The following BTNL3 variants were observed in gnomAD, a reference collection of about 807,000 sequenced individuals.
BTNL3 encodes the protein butyrophilin like 3, also known as butyrophilin-like protein 3.
Under a neutral mutation model 40.1 loss-of-function variants are expected in BTNL3, and 20 were observed. That is an observed-to-expected ratio of 0.50 (90% CI 0.35 to 0.72). The LOEUF (loss-of-function observed/expected upper bound fraction) is 0.72. Among genes scored for constraint, BTNL3 ranks in the 30% least tolerant of loss-of-function variants. BTNL3 has a pLI of 0.01. For missense variants in BTNL3, 449 were observed against 582.2 expected (o/e 0.77, Z 2.35); for synonymous variants, 179 against 222.1 (o/e 0.81, Z 1.73).
rs1365620524 is a variant in BTNL3, at chr5:180,997,480, T to A, written c.665T>A (p.Leu222Ter). Residue 222 changes from leucine to a stop codon, truncating the protein, a stop_gained, in exon 3 of 8, where the codon TTG (leucine) becomes TAG (stop). Transcript: ENST00000342868. LOFTEE classifies it high-confidence loss of function. ...EQSHEVESKV[L>*]IGETFFQPSP... is the part of the protein sequence containing the mutation. The stretch of plus-strand genomic sequence containing the variant: ...AGTCATGAGGTGGAATCCAAGGTAT[T>A]GATAGGAGGTGAGTGGGGAGAAGGA... 1.4e-6 allele frequency: 2 copies of A among 1,463,450 alleles called. No homozygotes were observed. The highest frequency in any genetic ancestry group is 4.9e-5 in the East Asian group (2 of 40,986). The allele number at this position is 1,463,450 out of a possible 1,614,324, so 90.7% of individuals were successfully genotyped here.
intron 4 of BTNL3, among the ~76,000 whole-genome samples, 169 bp from the exon 5 acceptor site, chr5:181,003,687 A>G (rs977971192): frequency 1.3e-4 from 20 of 149,098 alleles, no homozygotes; most frequent in South Asian, 4.2e-4. Context: ...GCTCCACCCC[A>G]GAGAGCCACA....
chr5:181,004,766 C>T lies in BTNL3; in HGVS notation c.862+4C>T, dbSNP rs763152483. ...AGAGACGCCCGGAAACACGCAGGTA[C>T]CAACGCCTGAGAGGGTAACAGTGGG... is the stretch of plus-strand genomic sequence containing the variant. On this transcript the variant is annotated splice_donor_region_variant and intron_variant, in intron 7 of 7. Coordinates refer to ENST00000342868, the MANE Select transcript of BTNL3 (RefSeq NM_197975.3). The T allele has an allele frequency of 6.2e-7, 1 of 1,614,178 alleles. No individual in the cohort carries two copies. Among genetic ancestry groups the T allele is most frequent in the Non-Finnish European group, 8.5e-7 (1 of 1,180,036 alleles).
At position 181,005,581 on chromosome 5, in the gene BTNL3, T is replaced by C. The variant is rs1561961876; in HGVS notation, c.1110T>C (p.Thr370=). The change falls in exon 8 of 8, where the codon ACT becomes ACC. Residue 370 remains threonine (T), a synonymous_variant. Transcript: ENST00000342868. ...DDVDRGKNNV[T]LSPNNGYWVL... is the part of the protein sequence containing the mutation. ...TAGACAGGGGGAAGAACAATGTGAC[T>C]TTGTCTCCCAACAATGGGTATTGGG... 3.1e-6 allele frequency: 5 copies of C among 1,614,010 alleles called. No individual in the cohort carries two copies. The highest frequency in any genetic ancestry group is 4.2e-6 in the Non-Finnish European group (5 of 1,179,994).
chr5:181,006,214 C>T lies in BTNL3; in HGVS notation c.*342C>T, dbSNP rs7731198. The T allele has an allele frequency of 0.078, 31,864 of 410,580 alleles. 2,305 individuals carry two copies. Among genetic ancestry groups the T allele is most frequent in the African/African-American group, 0.26 (12,488 of 48,820 alleles). 25.4% of individuals were successfully genotyped at this position (410,580 alleles called of 1,614,324 possible). A position where few individuals can be genotyped will look rare whatever the true frequency, so the allele number is the denominator to read the frequency against. On this transcript the variant is annotated 3_prime_UTR_variant, in exon 8 of 8. Coordinates refer to ENST00000342868, the MANE Select transcript of BTNL3 (RefSeq NM_197975.3). ...CACAACCTCCCAGGCTCCTCATTTGCTAGTCACGGACAGTGATTCCTGCCT... is the reference window on the plus strand; with the variant it reads ...CACAACCTCCCAGGCTCCTCATTTGTTAGTCACGGACAGTGATTCCTGCCT...
At chr5:180,994,214 C>A (rs1760008220) in intron 2 of BTNL3, among the ~76,000 whole-genome samples, 1 of 136,958 alleles carries the variant, frequency 7.3e-6, no homozygotes, top group African/African-American at 2.5e-5. Context: ...TTTCTTTTAT[C>A]ATTTCCTTTC....
At chr5:181,002,370 GTGTGTGT>G (rs1366194349) in intron 3 of BTNL3, among the ~76,000 whole-genome samples, 1 of 26,148 alleles carries the variant, frequency 3.8e-5, no homozygotes, top group Non-Finnish European at 1.4e-4. Flanking sequence ...ACACACACGT[GTGTGTGT>G]ATATATATAT....
At chr5:181,001,253 A>T (rs184837513) in intron 3 of BTNL3, among the ~76,000 whole-genome samples, 1 of 136,974 alleles carries the variant, frequency 7.3e-6, no homozygotes, top group East Asian at 2.2e-4. Flanking sequence ...GTTCTCCTAG[A>T]ATTGCTGTAC....
Position 181,001,500 on chromosome 5 carries a change from T to TGTG in BTNL3, c.674-1171_674-1170insTGG, listed in dbSNP as rs1554149541. On this transcript the variant is annotated intron_variant, in intron 3 of 7. Transcript: ENST00000342868. ...TTTTAATTTTAAATATTTTTATAGA[T>TGTG]GGGGGGGGGTCTCACTTTGTTGCCT... 6.9e-5 allele frequency among the ~76,000 whole-genome samples: 8 copies of TGTG among 116,328 alleles called. 2 individuals carry two copies. The highest frequency in any genetic ancestry group is 1.2e-4 in the African/African-American group (4 of 33,168). 76.3% of individuals were successfully genotyped at this position (116,328 alleles called of 152,430 possible).
rs1760041136 is a variant in BTNL3 at position 180,996,949 on chromosome 5, A to G, written c.398-264A>G. ...CATACTTAGGAATATCCAGGCATAT[A>G]TAGTGGCTGCTAAATAAATGTTGAA... On this transcript the variant is annotated intron_variant, in intron 2 of 7. Transcript: ENST00000342868. Among the ~76,000 whole-genome samples, 2 of 137,220 alleles carry G rather than the reference A, an allele frequency of 1.5e-5. 1 individual carries two copies. The highest frequency in any genetic ancestry group is 5.0e-5 in the African/African-American group (2 of 39,836). 90.0% of individuals were successfully genotyped at this position (137,220 alleles called of 152,430 possible). A position where few individuals can be genotyped will look rare whatever the true frequency, so the allele number is the denominator to read the frequency against.
At position 181,005,319 on chromosome 5, in the gene BTNL3, C is replaced by T. The variant is rs1760201116; in HGVS notation, c.863-15C>T. ...TCAGTAACTCATGCTTCCTCTCTCC[C>T]CCACCGCACCCCAGTGGAGGTGACT... is the stretch of plus-strand genomic sequence containing the variant. On this transcript the variant is annotated splice_polypyrimidine_tract_variant and intron_variant, in intron 7 of 7. Coordinates refer to ENST00000342868, the MANE Select transcript of BTNL3 (RefSeq NM_197975.3). 1.2e-6 allele frequency: 2 copies of T among 1,608,868 alleles called. No individual in the cohort carries two copies. The highest frequency in any genetic ancestry group is 1.7e-6 in the Non-Finnish European group (2 of 1,177,672).
chr5:181,005,751 C>G lies in BTNL3; in HGVS notation c.1280C>G (p.Ser427Cys). ...TISFFNTNDQ[S>C]LIYTLLTCQF... The stretch of plus-strand genomic sequence containing the variant: ...TCCTTCTTCAATACAAATGACCAGT[C>G]CCTTATTTATACCCTGCTGACATGT... The change falls in exon 8 of 8, where the codon TCC (serine) becomes TGC (cysteine). Residue 427 changes from serine to cysteine, a missense_variant. By Grantham distance (112) the Ser-to-Cys change is moderately radical. Transcript: ENST00000342868. 6.2e-7 allele frequency: 1 copy of G among 1,614,112 alleles called. No individual in the cohort carries two copies. The highest frequency in any genetic ancestry group is 8.5e-7 in the Non-Finnish European group (1 of 1,180,006).
rs1319781886 is a variant in BTNL3, at chr5:181,002,489, T to TATAC, written c.674-180_674-179insCATA. On this transcript the variant is annotated intron_variant, in intron 3 of 7. Coordinates refer to ENST00000342868, the MANE Select transcript of BTNL3 (RefSeq NM_197975.3). ...ACACGTGAATATATATATATATATA[T>TATAC]ATATATATATATATATGAAATCCGG... Among the ~76,000 whole-genome samples the TATAC allele has an allele frequency of 5.2e-4, 58 of 111,040 alleles. 8 individuals are homozygous for TATAC. The highest frequency in any genetic ancestry group is 1.0e-3 in the Non-Finnish European group (51 of 49,448). 72.8% of individuals were successfully genotyped at this position (111,040 alleles called of 152,430 possible).
In BTNL3 at chr5:180,991,060, C is replaced by T. The variant is rs138275001; in HGVS notation, c.50-1753C>T. 3.7e-3 allele frequency among the ~76,000 whole-genome samples: 512 copies of T among 136,932 alleles called. 59 individuals carry two copies. Among genetic ancestry groups the T allele is most frequent in the African/African-American group, 0.012 (482 of 39,818 alleles). 89.8% of individuals were successfully genotyped at this position (136,932 alleles called of 152,430 possible). A position where few individuals can be genotyped will look rare whatever the true frequency, so the allele number is the denominator to read the frequency against. On this transcript the variant is annotated intron_variant, in intron 1 of 7. Transcript: ENST00000342868. ...GAAGCCATCAGCAGAGAGGCAGAGG[C>T]CAGGCTCCAGGGGCGGAGCTGTCAG...
chr5:181,002,174 T>A (rs1186878374), intron 3 of BTNL3, among the ~76,000 whole-genome samples: 1 of 132,128 alleles, frequency 7.6e-6, no homozygotes, highest in Non-Finnish European at 1.7e-5. Flanking sequence ...TATGGATCAA[T>A]GAGAGAGAAC....
In BTNL3 at chr5:181,005,483, G is replaced by A. The variant is rs768006853; in HGVS notation, c.1012G>A (p.Ala338Thr). Reference sequence around the variant, plus strand: ...TGTGGTGGCTTCTCAGGGTTTCCAAGCAGGGAAACATTACTGGGAGGTGGA... The same window carrying A: ...TGTGGTGGCTTCTCAGGGTTTCCAAACAGGGAAACATTACTGGGAGGTGGA... ...KSVVASQGFQ[A>T]GKHYWEVDVG... Residue 338 changes from alanine (A) to threonine (T), a missense_variant, in exon 8 of 8, where the codon GCA (alanine) becomes ACA (threonine). By Grantham distance (58) the Ala-to-Thr change is moderately conservative. Around this residue, in one of 2 missense-constraint regions of BTNL3, gnomAD observed 323 missense variants for 464.9 expected, o/e 0.69. Transcript: ENST00000342868. 2.5e-6 allele frequency: 4 copies of A among 1,614,134 alleles called. No individual in the cohort carries two copies. In the South Asian group the frequency reaches 4.4e-5, roughly 18 times the overall value.
chr5:181,004,796 G>C (rs2113089557), intron 7 of BTNL3, 34 bp downstream of exon 7: 2 of 1,613,938 alleles, frequency 1.2e-6, no homozygotes, highest in South Asian at 2.2e-5. Context: ...AGTGGGCATG[G>C]AGTAGGAAGA....
chr5:181,005,978 C>CTCCGG lies in BTNL3; in HGVS notation c.*106_*107insTCCGG. ...CAGCTTCCTCTCCGGAGCCTGCGCA[C>CTCCGG]AGAGAGTCACGCCCCCCACTCTCCT... On this transcript the variant is annotated 3_prime_UTR_variant, in exon 8 of 8. Transcript: ENST00000342868. 8.0e-7 allele frequency: 1 copy of CTCCGG among 1,250,136 alleles called. No individual in the cohort carries two copies. The highest frequency in any genetic ancestry group is 1.1e-6 in the Non-Finnish European group (1 of 919,020). The allele number at this position is 1,250,136 out of a possible 1,614,324, so 77.4% of individuals were successfully genotyped here.
chr5:181,003,411 GACA>G (rs1409797847), intron 4 of BTNL3, among the ~76,000 whole-genome samples: 1 of 135,496 alleles, frequency 7.4e-6, no homozygotes, highest in African/African-American at 2.5e-5. Flanking sequence ...TTCTACTAAC[GACA>G]ACAAGAGACA....
chr5:181,002,452 G>GCA lies in BTNL3; in HGVS notation c.674-206_674-205dup, dbSNP rs35201027. The stretch of plus-strand genomic sequence containing the variant: ...ATAAAGAAATGCAAAGCTTTAACGC[G>GCA]CACACACACACACACGTGAATATAT... On this transcript the variant is annotated intron_variant, in intron 3 of 7. Transcript: ENST00000342868. Among the ~76,000 whole-genome samples, 7 of 76,350 alleles carry GCA rather than the reference G, an allele frequency of 9.2e-5. 2 individuals are homozygous for GCA. The highest frequency in any genetic ancestry group is 3.5e-4 in the South Asian group (1 of 2,852). 50.1% of individuals were successfully genotyped at this position (76,350 alleles called of 152,430 possible). A position where few individuals can be genotyped will look rare whatever the true frequency, so the allele number is the denominator to read the frequency against.
Sources: allele counts gnomAD v4.1 joint callset (sites outside exome capture counted in the v4.1 genomes callset), GRCh38; gene constraint gnomAD v4.1.1; regional missense constraint gnomAD v4.1.1; transcripts MANE v1.5; gene names NCBI Gene and HGNC (gene_info 2026-07-23, HGNC 2026-07-21).